Variants in BRINP3 observed in about 807,000 individuals in gnomAD.
The protein encoded by BRINP3 is BMP/retinoic acid-inducible neural-specific protein 3.
In BRINP3, 19 loss-of-function variants were observed where a neutral mutation model predicts 71.0. That is an observed-to-expected ratio of 0.27 (90% CI 0.19 to 0.39). The LOEUF (loss-of-function observed/expected upper bound fraction) is 0.39, where lower values mean the gene tolerates loss of function less well. Ranked by LOEUF, BRINP3 falls within the 10% of genes least tolerant of loss-of-function variation. The pLI, the probability that BRINP3 is intolerant of heterozygous loss-of-function variation, is 1.00. For synonymous variants in BRINP3, 380 were observed against 337.7 expected, an observed-to-expected ratio of 1.13 and a Z score of -1.37; for missense variants, 959 against 940.8, an observed-to-expected ratio of 1.02 and a Z score of -0.25.
chr1:190,405,839 C>T (rs1672249364), intron 2 of BRINP3, among the ~76,000 whole-genome samples: 1 of 152,108 alleles, frequency 6.6e-6, no homozygotes, highest in South Asian at 2.1e-4. Flanking sequence ...AGACAAGTAA[C>T]AAAATTAATC....
intron 3 of BRINP3, among the ~76,000 whole-genome samples, chr1:190,267,673 T>C (rs186901089): frequency 1.1e-3 from 166 of 152,140 alleles, no homozygotes; most frequent in African/African-American, 3.0e-3. Flanking sequence ...GTTAACCTAC[T>C]TTTTTTCTTC....
intron 5 of BRINP3, among the ~76,000 whole-genome samples, chr1:190,233,974 T>C (rs1021607714): frequency 1.3e-5 from 2 of 152,140 alleles, no homozygotes; most frequent in African/African-American, 2.4e-5. Context: ...CATTAGGTTA[T>C]ATATAAAATG....
At position 190,429,048 on chromosome 1, in the gene BRINP3, T is replaced by A. The variant is rs1416791567; in HGVS notation, c.236+25607A>T. Among the ~76,000 whole-genome samples, 16 of 152,256 alleles carry A rather than the reference T, an allele frequency of 1.1e-4. No homozygotes were observed. In the East Asian group the frequency reaches 3.1e-3, roughly 29 times the overall value. On this transcript the variant is annotated intron_variant, in intron 2 of 7. Coordinates refer to ENST00000367462, the MANE Select transcript of BRINP3 (RefSeq NM_199051.3). ...GCTATAAATCAGATGCTGCTTTAGCTACTTTACATTTACTCATTCAGTCAA... is the reference window on the plus strand; with the variant it reads ...GCTATAAATCAGATGCTGCTTTAGCAACTTTACATTTACTCATTCAGTCAA...
intron 6 of BRINP3, among the ~76,000 whole-genome samples, chr1:190,185,686 A>T: frequency 6.6e-6 from 1 of 152,276 alleles, no homozygotes; most frequent in Middle Eastern, 3.4e-3. Context: ...ATATAATGCC[A>T]TCTACTAGAT....
intron 2 of BRINP3, among the ~76,000 whole-genome samples, chr1:190,385,248 A>G (rs1476070984): frequency 6.6e-6 from 1 of 152,176 alleles, no homozygotes; most frequent in Non-Finnish European, 1.5e-5. Flanking sequence ...ATTAAACTAA[A>G]GAGCTTCTGC....
At chr1:190,366,243 A>T (rs1349206059) in intron 2 of BRINP3, among the ~76,000 whole-genome samples, 1 of 152,124 alleles carries the variant, frequency 6.6e-6, no homozygotes, top group Non-Finnish European at 1.5e-5. Context: ...GGCCTCAGGA[A>T]ACTGTCATGG....
intron 6 of BRINP3, among the ~76,000 whole-genome samples, chr1:190,189,598 G>A (rs980235363): frequency 5.9e-5 from 9 of 151,312 alleles, no homozygotes; most frequent in African/African-American, 2.2e-4. Context: ...CAACATTTAT[G>A]TTTAACTTTG....
At chr1:190,424,220 T>C (rs968367856) in intron 2 of BRINP3, among the ~76,000 whole-genome samples, 1 of 151,730 alleles carries the variant, frequency 6.6e-6, no homozygotes, top group Non-Finnish European at 1.5e-5. Context: ...ACTGTGGATA[T>C]TACTTCAGTA....
At chr1:190,142,624 T>C (rs1655550636) in intron 7 of BRINP3, among the ~76,000 whole-genome samples, 1 of 152,150 alleles carries the variant, frequency 6.6e-6, no homozygotes, top group Non-Finnish European at 1.5e-5. Flanking sequence ...TAATTTTCTT[T>C]TTTTCTTTTC....
At chr1:190,124,503 C>A (rs1413230451) in intron 7 of BRINP3, among the ~76,000 whole-genome samples, 2 of 152,040 alleles carry the variant, frequency 1.3e-5, no homozygotes, top group African/African-American at 4.8e-5. Context: ...GAGTCCAGCA[C>A]AATGTACAAT....
chr1:190,130,620 A>G (rs551314619), intron 7 of BRINP3, among the ~76,000 whole-genome samples: 3 of 151,758 alleles, frequency 2.0e-5, no homozygotes, highest in African/African-American at 7.3e-5. Flanking sequence ...ATCTTACCTA[A>G]TTTTCTAAAG....
At chr1:190,297,427 G>T (rs1350524439) in intron 2 of BRINP3, among the ~76,000 whole-genome samples, 2 of 151,628 alleles carry the variant, frequency 1.3e-5, no homozygotes, top group Non-Finnish European at 2.9e-5. Flanking sequence ...ACTCCTAAAA[G>T]AAAACTGTGG....
At chr1:190,459,597 A>G (rs1676246952) in intron 1 of BRINP3, among the ~76,000 whole-genome samples, 2 of 152,018 alleles carry the variant, frequency 1.3e-5, no homozygotes, top group Admixed American at 6.6e-5. Flanking sequence ...TCAGTATCTT[A>G]TTATCCACAA....
intron 2 of BRINP3, among the ~76,000 whole-genome samples, chr1:190,428,441 A>C (rs1004751593): frequency 6.6e-6 from 1 of 151,586 alleles, no homozygotes; most frequent in Non-Finnish European, 1.5e-5. Flanking sequence ...CCCCAAAAAA[A>C]CTCGTATTTT....
At chr1:190,333,718 C>G (rs867989219) in intron 2 of BRINP3, among the ~76,000 whole-genome samples, 1 of 152,040 alleles carries the variant, frequency 6.6e-6, no homozygotes, top group Middle Eastern at 3.4e-3. Context: ...TTAACAACAT[C>G]CATACTAATT....
intron 4 of BRINP3, among the ~76,000 whole-genome samples, chr1:190,264,471 TG>T (rs1229950822): frequency 6.6e-6 from 1 of 152,176 alleles, no homozygotes; most frequent in Non-Finnish European, 1.5e-5. Flanking sequence ...ACTTTAAGCC[TG>T]ATAAAGCCTC....
chr1:190,439,647 C>T lies in BRINP3; in HGVS notation c.236+15008G>A, dbSNP rs554257117. ...GGGCCAGAAGTAGAAGACAGATAACCTAAAGCCTAAACAGTAAAGCTGAAA... is the reference window on the plus strand; with the variant it reads ...GGGCCAGAAGTAGAAGACAGATAACTTAAAGCCTAAACAGTAAAGCTGAAA... On this transcript the variant is annotated intron_variant, in intron 2 of 7. Coordinates refer to ENST00000367462, the MANE Select transcript of BRINP3 (RefSeq NM_199051.3). Among the ~76,000 whole-genome samples, 282 of 151,850 alleles carry T rather than the reference C, an allele frequency of 1.9e-3. 3 individuals carry two copies. Among genetic ancestry groups the T allele is most frequent in the African/African-American group, 6.6e-3 (273 of 41,488 alleles).
rs922758214 is a variant in BRINP3 at position 190,435,782 on chromosome 1, T to C, written c.236+18873A>G. Among the ~76,000 whole-genome samples the C allele has an allele frequency of 8.5e-5, 13 of 152,074 alleles. No homozygotes were observed. The East Asian group carries it at 2.5e-3, about 29-fold the overall frequency. On this transcript the variant is annotated intron_variant, in intron 2 of 7. Transcript: ENST00000367462. ...CAAAATCAATTGTACAACCAAAACCTTACCTCCAGTACCATACTTGTAGCA... is the reference window on the plus strand; with the variant it reads ...CAAAATCAATTGTACAACCAAAACCCTACCTCCAGTACCATACTTGTAGCA...
chr1:190,453,429 A>G (rs1292012708), intron 2 of BRINP3, among the ~76,000 whole-genome samples: 1 of 151,298 alleles, frequency 6.6e-6, no homozygotes, highest in East Asian at 2.0e-4. Context: ...CCATGTTGGA[A>G]GATGGTCTGC....
Sources: gnomAD v4.1 joint callset for allele counts (sites outside exome capture counted in the v4.1 genomes callset) on GRCh38, gnomAD v4.1.1 for gene constraint, MANE v1.5 for transcripts, NCBI Gene and HGNC (gene_info 2026-07-23, HGNC 2026-07-21) for gene names.